Variants in GPR146 observed in about 807,000 individuals in gnomAD.
GPR146 encodes G protein-coupled receptor 146.
For synonymous variants in GPR146, 203 were observed against 104.3 expected (o/e 1.95, Z -5.77); for missense variants, 381 against 213.9 (o/e 1.78, Z -4.87).
In GPR146 at chr7:1,044,609, C is replaced by G. The variant is rs1280229577; in HGVS notation, c.-74C>G. 1 of 151,186 alleles carries G rather than the reference C, an allele frequency of 6.6e-6. No individual in the cohort carries two copies. The highest frequency in any genetic ancestry group is 2.4e-5 in the African/African-American group (1 of 41,324). The allele number at this position is 151,186 out of a possible 1,614,324, so 9.4% of individuals were successfully genotyped here. A position where few individuals can be genotyped will look rare whatever the true frequency, so the allele number is the denominator to read the frequency against. On this transcript the variant is annotated 5_prime_UTR_variant, in exon 1 of 2. Transcript: ENST00000444847. ...CGTGAGCCCCGCCGCCTCCGCCAGC[C>G]CGAGCTGCCCGCCCGGCGGCGACTG...
At chr7:1,051,530 C>A (rs1478807777) in intron 1 of GPR146, among the ~76,000 whole-genome samples, 2 of 152,214 alleles carry the variant, frequency 1.3e-5, no homozygotes, top group African/African-American at 4.8e-5. Flanking sequence ...CCACTGCTGG[C>A]CCATGGCCCA....
rs1365645741 is a variant in GPR146 at position 1,057,641 on chromosome 7, G to C, written c.126G>C (p.Leu42=). ...LGLVVGVPVG[L]CYNALLVLAN... is the part of the protein sequence containing the mutation. ...TGGTGGTGGGCGTGCCAGTGGGCCT[G>C]TGCTACAACGCCCTGCTGGTGCTGG... is the stretch of plus-strand genomic sequence containing the variant. Residue 42 remains leucine, a synonymous_variant, in exon 2 of 2, where the codon CTG becomes CTC. Transcript: ENST00000444847. The C allele has an allele frequency of 1.3e-6, 1 of 770,422 alleles. No homozygotes were observed. The highest frequency in any genetic ancestry group is 2.4e-5 in the East Asian group (1 of 40,982). 47.7% of individuals were successfully genotyped at this position (770,422 alleles called of 1,614,324 possible).
At chr7:1,051,572 C>A (rs1783115022) in intron 1 of GPR146, among the ~76,000 whole-genome samples, 1 of 152,272 alleles carries the variant, frequency 6.6e-6, no homozygotes, top group South Asian at 2.1e-4. Flanking sequence ...AGACCTCTCA[C>A]CCCATCCAAA....
Position 1,058,274 on chromosome 7 carries a change from G to A in GPR146, c.759G>A (p.Leu253=), listed in dbSNP as rs1189200816. The A allele has an allele frequency of 1.3e-6, 1 of 772,796 alleles. No individual in the cohort carries two copies. The highest frequency in any genetic ancestry group is 1.7e-5 in the Admixed American group (1 of 59,000). 47.9% of individuals were successfully genotyped at this position (772,796 alleles called of 1,614,324 possible). A position where few individuals can be genotyped will look rare whatever the true frequency, so the allele number is the denominator to read the frequency against. Residue 253 remains leucine (L), a synonymous_variant, in exon 2 of 2, where the codon CTG becomes CTA. Coordinates refer to ENST00000444847, the MANE Select transcript of GPR146 (RefSeq NM_001303473.2). ...FGLWTPHYLI[L]LGHTVIISRG... The stretch of plus-strand genomic sequence containing the variant: ...TCTGGACGCCACACTATCTGATCCT[G>A]CTGGGGCACACGGTCATCATCTCGC...
At chr7:1,056,974 G>A (rs571324661) in intron 1 of GPR146, 1 of 161,276 alleles carries the variant, frequency 6.2e-6, no homozygotes, top group Admixed American at 5.7e-5. Flanking sequence ...AGCCTCCTGT[G>A]GGCTGCGACC....
Position 1,049,817 on chromosome 7 carries a change from T to C in GPR146, c.-25+5159T>C, listed in dbSNP as rs115515843. 5.4e-3 allele frequency among the ~76,000 whole-genome samples: 825 copies of C among 152,344 alleles called. 11 individuals carry two copies. The highest frequency in any genetic ancestry group is 0.019 in the African/African-American group (793 of 41,578). On this transcript the variant is annotated intron_variant, in intron 1 of 1. Coordinates refer to ENST00000444847, the MANE Select transcript of GPR146 (RefSeq NM_001303473.2). ...TTTTCGGTCAAATTTTGGGCACCAC[T>C]GTACTGGGTTCTATGACAGAGAAGC...
At chr7:1,054,678 G>T (rs1416601319) in intron 1 of GPR146, among the ~76,000 whole-genome samples, 2 of 152,238 alleles carry the variant, frequency 1.3e-5, no homozygotes, top group Non-Finnish European at 2.9e-5. Flanking sequence ...CCTGCAAGGA[G>T]GGGTGCGGCG....
At chr7:1,057,462 G>A (rs558797782) in intron 1 of GPR146, 30 bp from the exon 2 acceptor site, 42 of 700,452 alleles carry the variant, frequency 6.0e-5, no homozygotes, top group Admixed American at 3.6e-4. Flanking sequence ...GACGGGACGC[G>A]AGCTGACCAC....
chr7:1,051,195 C>G (rs62430973), intron 1 of GPR146, among the ~76,000 whole-genome samples: 23,935 of 152,236 alleles, frequency 0.16, 2,030 homozygotes, highest in Admixed American at 0.21. Flanking sequence ...AGCTGCTGCT[C>G]CCAGAAAACG....
At chr7:1,047,431 T>C (rs1409809375) in intron 1 of GPR146, among the ~76,000 whole-genome samples, 1 of 152,282 alleles carries the variant, frequency 6.6e-6, no homozygotes, top group Admixed American at 6.5e-5. Context: ...AACCATTTCT[T>C]ATCACAGCCC....
intron 1 of GPR146, among the ~76,000 whole-genome samples, chr7:1,053,223 GC>G (rs1237954478): frequency 6.6e-6 from 1 of 152,238 alleles, no homozygotes; most frequent in Admixed American, 6.5e-5. Context: ...CCTGGGCCAG[GC>G]CAGGCTCCCA....
intron 1 of GPR146, among the ~76,000 whole-genome samples, chr7:1,048,003 T>G (rs1276446202): frequency 2.7e-5 from 4 of 150,310 alleles, no homozygotes. Context: ...TCCAAGTAGG[T>G]GGGAAAGAGA....
chr7:1,046,808 G>A (rs1045946765), intron 1 of GPR146, among the ~76,000 whole-genome samples: 5 of 152,228 alleles, frequency 3.3e-5, no homozygotes, highest in Non-Finnish European at 7.3e-5. Flanking sequence ...TGGAACCAAA[G>A]CAAGCCTTGC....
intron 1 of GPR146, among the ~76,000 whole-genome samples, chr7:1,055,700 G>A (rs1186959970): frequency 6.6e-6 from 1 of 152,182 alleles, no homozygotes; most frequent in African/African-American, 2.4e-5. Flanking sequence ...AAGCTCTGTG[G>A]GGTGAAGGTG....
Position 1,059,021 on chromosome 7 carries a change from A to C in GPR146, c.*504A>C, listed in dbSNP as rs904045856. ...TAGCAAGGCCTGCCGGGTGTGCCGC[A>C]GTCACCACAGGGTTCTGAGAACATT... On this transcript the variant is annotated 3_prime_UTR_variant, in exon 2 of 2. Transcript: ENST00000444847. The C allele has an allele frequency of 5.5e-6, 1 of 182,278 alleles. No homozygotes were observed. The highest frequency in any genetic ancestry group is 2.4e-5 in the African/African-American group (1 of 41,624). The allele number at this position is 182,278 out of a possible 1,614,324, so 11.3% of individuals were successfully genotyped here. A position where few individuals can be genotyped will look rare whatever the true frequency, so the allele number is the denominator to read the frequency against.
intron 1 of GPR146, among the ~76,000 whole-genome samples, chr7:1,046,500 G>C (rs754868647): frequency 9.2e-5 from 14 of 152,122 alleles, no homozygotes; most frequent in Non-Finnish European, 1.8e-4. Context: ...ATCTGTCCAG[G>C]GGTCTCAAAG....
chr7:1,054,483 G>C (rs1043747941), intron 1 of GPR146, among the ~76,000 whole-genome samples: 12 of 152,212 alleles, frequency 7.9e-5, no homozygotes, highest in Admixed American at 2.6e-4. Context: ...GCACGCACTC[G>C]AGAGCCGGTT....
intron 1 of GPR146, among the ~76,000 whole-genome samples, chr7:1,048,752 C>G (rs1266804416): frequency 6.6e-6 from 1 of 152,224 alleles, no homozygotes; most frequent in Non-Finnish European, 1.5e-5. Flanking sequence ...TCGCCCCTGT[C>G]CACACCCTGC....
At chr7:1,050,956 A>G (rs1160443053) in intron 1 of GPR146, among the ~76,000 whole-genome samples, 2 of 152,206 alleles carry the variant, frequency 1.3e-5, no homozygotes, top group Non-Finnish European at 2.9e-5. Context: ...GATGGCGGCC[A>G]TGCCGTCAGA....
Sources: gnomAD v4.1 joint callset for allele counts (sites outside exome capture counted in the v4.1 genomes callset) on GRCh38, gnomAD v4.1.1 for gene constraint, MANE v1.5 for transcripts, NCBI Gene and HGNC (gene_info 2026-07-23, HGNC 2026-07-21) for gene names.